NEK5: variants seen among roughly 807,000 people sequenced by gnomAD.
NEK5 encodes the protein serine/threonine-protein kinase Nek5.
NEK5 carries 88 observed loss-of-function variants against 109.2 expected under a neutral mutation model. That is an observed-to-expected ratio of 0.81 (90% CI 0.68 to 0.96). The LOEUF (loss-of-function observed/expected upper bound fraction) is 0.96, where lower values mean the gene tolerates loss of function less well. Ranked by LOEUF, NEK5 falls within the 40% of genes least tolerant of loss-of-function variation. NEK5 has a pLI of 0.00. For missense variants in NEK5, 834 were observed against 920.7 expected (o/e 0.91, Z 1.22); for synonymous variants, 283 against 299.9 (o/e 0.94, Z 0.58).
At chr13:52,078,387 A>T (rs1423658148) in intron 17 of NEK5, among the ~76,000 whole-genome samples, 7 of 152,162 alleles carry the variant, frequency 4.6e-5, no homozygotes, top group Non-Finnish European at 8.8e-5. Context: ...CAGATCCGTG[A>T]TTGCATGGGG....
intron 23 of NEK5, among the ~76,000 whole-genome samples, chr13:52,046,819 CAAAAT>C (rs1412529948): frequency 4.0e-5 from 6 of 151,402 alleles, no homozygotes; most frequent in Non-Finnish European, 7.4e-5. Context: ...TCACCATAAA[CAAAAT>C]AAAAGGCAAA....
chr13:52,064,666 T>G (rs1954658391), intron 21 of NEK5: 1 of 235,258 alleles, frequency 4.3e-6, no homozygotes, highest in Non-Finnish European at 8.3e-6. Context: ...AATGGCGGTT[T>G]TGTGGAATAG....
intron 4 of NEK5, among the ~76,000 whole-genome samples, chr13:52,116,732 G>A (rs1955865582): frequency 6.6e-6 from 1 of 152,148 alleles, no homozygotes; most frequent in African/African-American, 2.4e-5. Flanking sequence ...AAATACAACA[G>A]CATGGGAATT....
At chr13:52,084,742 A>AGT (rs1566772433) in intron 16 of NEK5, among the ~76,000 whole-genome samples, 3 of 50,684 alleles carry the variant, frequency 5.9e-5, no homozygotes, top group African/African-American at 1.5e-4. Flanking sequence ...AGTGAGAGAG[A>AGT]GAGAGAGAGA....
chr13:52,074,152 C>CA (rs1354674179), intron 19 of NEK5, among the ~76,000 whole-genome samples: 1 of 151,710 alleles, frequency 6.6e-6, no homozygotes, highest in African/African-American at 2.4e-5. Context: ...CATATGTAAA[C>CA]AAAAAAGAGC....
intron 1 of NEK5, among the ~76,000 whole-genome samples, chr13:52,127,999 AGGTGGTT>A (rs1383483547): frequency 1.3e-5 from 2 of 152,108 alleles, no homozygotes; most frequent in African/African-American, 4.8e-5. Flanking sequence ...TGAGGTTTAC[AGGTGGTT>A]GGGGCCTGAG....
At chr13:52,051,948 T>C (rs1227583259) in intron 22 of NEK5, among the ~76,000 whole-genome samples, 1 of 152,170 alleles carries the variant, frequency 6.6e-6, no homozygotes, top group Admixed American at 6.5e-5. Context: ...ACAAATCATA[T>C]CTGATTGCTT....
chr13:52,099,824 C>G lies in NEK5; in HGVS notation c.945G>C (p.Arg315Ser). 2.5e-6 allele frequency: 4 copies of G among 1,613,808 alleles called. No homozygotes were observed. The highest frequency in any genetic ancestry group is 2.5e-6 in the Non-Finnish European group (3 of 1,179,762). The change falls in exon 12 of 24, where the codon AGG becomes AGC. Residue 315 changes from arginine (R) to serine (S), a missense_variant. Physicochemically the swap from Arg to Ser is moderately radical, Grantham distance 110. Coordinates refer to ENST00000684899, the MANE Select transcript of NEK5 (RefSeq NM_001365552.1). ...RFQGKCPPRS[R>S]ISVPIKRNAI... ...CATTCCTTTTAATTGGCACAGATATCCTTGATCTTGGTGGGCACTTTCCCT... is the reference window on the plus strand; with the variant it reads ...CATTCCTTTTAATTGGCACAGATATGCTTGATCTTGGTGGGCACTTTCCCT...
At chr13:52,108,603 A>G (rs1052746455) in intron 7 of NEK5, among the ~76,000 whole-genome samples, 199 bp from the exon 8 acceptor site, 1 of 152,178 alleles carries the variant, frequency 6.6e-6, no homozygotes, top group Non-Finnish European at 1.5e-5. Context: ...TTCACCTCCC[A>G]AAAATTTACA....
chr13:52,117,273 G>T (rs913390528), intron 4 of NEK5, among the ~76,000 whole-genome samples: 1 of 152,102 alleles, frequency 6.6e-6, no homozygotes, highest in Non-Finnish European at 1.5e-5. Flanking sequence ...TATGATCAGA[G>T]ATAAGCGATT....
At chr13:52,062,381 C>T (rs919888181) in intron 21 of NEK5, among the ~76,000 whole-genome samples, 2 of 151,990 alleles carry the variant, frequency 1.3e-5, no homozygotes, top group African/African-American at 4.8e-5. Flanking sequence ...GTGAAGATAA[C>T]ATCCAGAGGT....
intron 23 of NEK5, among the ~76,000 whole-genome samples, chr13:52,046,722 C>T (rs1170701595): frequency 6.6e-6 from 1 of 150,778 alleles, no homozygotes; most frequent in African/African-American, 2.4e-5. Flanking sequence ...TAGACGGACA[C>T]CCTGTCTCAA....
chr13:52,079,773 G>T (rs938762255), intron 17 of NEK5, among the ~76,000 whole-genome samples: 1 of 135,156 alleles, frequency 7.4e-6, no homozygotes, highest in Middle Eastern at 3.4e-3. Context: ...CGTCTGGGAC[G>T]TGAGGAGCCC....
chr13:52,070,070 A>G (rs1424686454), intron 20 of NEK5, among the ~76,000 whole-genome samples: 1 of 152,130 alleles, frequency 6.6e-6, no homozygotes, highest in Non-Finnish European at 1.5e-5. Flanking sequence ...CTGAATGGAG[A>G]TTTTTCCAGA....
At chr13:52,085,381 A>T (rs1355499222) in intron 16 of NEK5, among the ~76,000 whole-genome samples, 2 of 152,240 alleles carry the variant, frequency 1.3e-5, no homozygotes, top group African/African-American at 4.8e-5. Context: ...TATTAGCAGT[A>T]TGAGAGCAGA....
chr13:52,051,022 T>C (rs1423149617), intron 22 of NEK5, among the ~76,000 whole-genome samples: 1 of 150,886 alleles, frequency 6.6e-6, no homozygotes, highest in Non-Finnish European at 1.5e-5. Context: ...CCGGCCCTAG[T>C]GTTCGTTTTT....
At chr13:52,051,459 G>A (rs1418331610) in intron 22 of NEK5, among the ~76,000 whole-genome samples, 1 of 152,130 alleles carries the variant, frequency 6.6e-6, no homozygotes, top group African/African-American at 2.4e-5. Flanking sequence ...TTTTCCTAGT[G>A]GAGTACAAAG....
At chr13:52,075,960 T>C in intron 18 of NEK5, 103 bp downstream of exon 18, 1 of 917,804 alleles carries the variant, frequency 1.1e-6, no homozygotes, top group Non-Finnish European at 1.7e-6. Flanking sequence ...ATAGAGCAAT[T>C]CTATAAAATA....
intron 17 of NEK5, among the ~76,000 whole-genome samples, chr13:52,081,592 T>TA (rs1340879290): frequency 6.6e-6 from 1 of 152,280 alleles, no homozygotes; most frequent in South Asian, 2.1e-4. Context: ...AACCTTCTTA[T>TA]AAAAAATCTA....
Sources: gnomAD v4.1 joint callset for allele counts (sites outside exome capture counted in the v4.1 genomes callset) on GRCh38, gnomAD v4.1.1 for gene constraint, MANE v1.5 for transcripts, NCBI Gene and HGNC (gene_info 2026-07-23, HGNC 2026-07-21) for gene names.